The following PPBP variants were observed in gnomAD, a reference collection of about 807,000 sequenced individuals.
The protein encoded by PPBP is pro-platelet basic protein.
PPBP carries 8 observed loss-of-function variants against 8.3 expected under a neutral mutation model. The ratio of observed to expected loss-of-function variants is 0.97; its 90% CI spans 0.57 to 1.75. The LOEUF is 1.75. Among genes scored for constraint, PPBP ranks in the 40% most tolerant of loss-of-function variants. The pLI is 0.00. For missense variants in PPBP, 169 were observed against 149.2 expected (o/e 1.13, Z -0.69); for synonymous variants, 64 against 58.9 (o/e 1.09, Z -0.40).
rs1256353579 is a variant in PPBP, at chr4:73,987,353, C to T, written c.306G>A (p.Arg102=). The T allele has an allele frequency of 3.1e-6, 5 of 1,613,896 alleles. No homozygotes were observed. Among genetic ancestry groups the T allele is most frequent in the African/African-American group, 2.7e-5 (2 of 75,018 alleles). ...GAGCATCTGGGTCCAGGCAGATTTTCCTCCCATCCTTCAGTGTGGCTCTGC... is the reference window on the plus strand; with the variant it reads ...GAGCATCTGGGTCCAGGCAGATTTTTCTCCCATCCTTCAGTGTGGCTCTGC... ...VEVIATLKDG[R]KICLDPDAPR... is the part of the protein sequence containing the mutation. The change falls in exon 3 of 3, where the codon AGG becomes AGA. Residue 102 remains arginine, a synonymous_variant. Transcript: ENST00000296028.
In PPBP at chr4:73,987,195, T is replaced by C; in HGVS notation, c.*77A>G. 5.5e-6 allele frequency: 7 copies of C among 1,279,842 alleles called. No individual in the cohort carries two copies. Among genetic ancestry groups the C allele is most frequent in the Non-Finnish European group, 7.9e-6 (7 of 887,054 alleles). The allele number at this position is 1,279,842 out of a possible 1,614,324, so 79.3% of individuals were successfully genotyped here. On this transcript the variant is annotated 3_prime_UTR_variant, in exon 3 of 3. Coordinates refer to ENST00000296028, the MANE Select transcript of PPBP (RefSeq NM_002704.3). Reference sequence around the variant, plus strand: ...AGTAAGAATAGGTATCCTGAATAAATGAGAACTCTAGAAAATCAAGGTTTC... The same window carrying C: ...AGTAAGAATAGGTATCCTGAATAAACGAGAACTCTAGAAAATCAAGGTTTC...
rs1169875638 is a variant in PPBP at position 73,986,933 on chromosome 4, T to C, written c.*339A>G. The C allele has an allele frequency of 2.8e-5, 7 of 250,698 alleles. No individual in the cohort carries two copies. The highest frequency in any genetic ancestry group is 5.3e-5 in the Admixed American group (1 of 18,886). The allele number at this position is 250,698 out of a possible 1,614,324, so 15.5% of individuals were successfully genotyped here. ...CATTGACCATTATGAAATCTAATAA[T>C]ACCCATGAGTATGTCTAATAACCAT... On this transcript the variant is annotated 3_prime_UTR_variant, in exon 3 of 3. Coordinates refer to ENST00000296028, the MANE Select transcript of PPBP (RefSeq NM_002704.3).
At position 73,987,120 on chromosome 4, in the gene PPBP, TA is replaced by T; in HGVS notation, c.*151del. 1.4e-6 allele frequency: 1 copy of T among 709,212 alleles called. No homozygotes were observed. Among genetic ancestry groups the T allele is most frequent in the Admixed American group, 2.9e-5 (1 of 34,694 alleles). The allele number at this position is 709,212 out of a possible 1,614,324, so 43.9% of individuals were successfully genotyped here. On this transcript the variant is annotated 3_prime_UTR_variant, in exon 3 of 3. Transcript: ENST00000296028. ...CATCTTTTAACCAACCTTCTCAGAA[TA>T]AAATGTGATTTTTGAGACAGAATGA...
At position 73,987,541 on chromosome 4, in the gene PPBP, G is replaced by T. The variant is rs150179122; in HGVS notation, c.260C>A (p.Thr87Asn). 6.2e-7 allele frequency: 1 copy of T among 1,614,026 alleles called. No homozygotes were observed. The highest frequency in any genetic ancestry group is 2.2e-5 in the East Asian group (1 of 44,876). The change falls in exon 2 of 3, where the codon ACC (threonine) becomes AAC (asparagine). Residue 87 changes from threonine to asparagine, a missense_variant. By Grantham distance (65) the Thr-to-Asn change is moderately conservative. Transcript: ENST00000296028. ...CATCACTTCGACTTGGTTGCAATGG[G>T]TTCCTTTCCCGATCACTTCCAAACT... ...IQSLEVIGKG[T>N]HCNQVEVIAT... is the part of the protein sequence containing the mutation.
rs1228691762 is a variant in PPBP at position 73,987,611 on chromosome 4, T to C, written c.190A>G (p.Met64Val). 9 of 1,613,872 alleles carry C rather than the reference T, an allele frequency of 5.6e-6. No homozygotes were observed. The Admixed American group carries it at 1.3e-4, about 24-fold the overall frequency. The change falls in exon 2 of 3, where the codon ATG (methionine) becomes GTG (valine). Residue 64 changes from methionine to valine, a missense_variant. By Grantham distance (21) the Met-to-Val change is conservative. Transcript: ENST00000296028. ...DSDLYAELRC[M>V]CIKTTSGIHP... ...ATTCCAGAGGTTGTCTTTATACACA[T>C]GCAGCGGAGTTCAGCATACAAGTCA...
In PPBP at chr4:73,987,508, G is replaced by A; in HGVS notation, c.284+9C>T. On this transcript the variant is annotated intron_variant, in intron 2 of 2. Coordinates refer to ENST00000296028, the MANE Select transcript of PPBP (RefSeq NM_002704.3). ...CTGATAAGGCAATAGCACAGAAACA[G>A]CAACTTACATCACTTCGACTTGGTT... 1 of 1,613,018 alleles carries A rather than the reference G, an allele frequency of 6.2e-7. No individual in the cohort carries two copies. The highest frequency in any genetic ancestry group is 8.5e-7 in the Non-Finnish European group (1 of 1,179,110).
Position 73,987,671 on chromosome 4 carries a change from C to A in PPBP, c.149-19G>T, listed in dbSNP as rs749613904. On this transcript the variant is annotated intron_variant, in intron 1 of 2. Transcript: ENST00000296028. ...CTTTCCTCTAGGGTAGAAAATGTGACCTATTGGTGGTCATGAATATTTTCC... is the reference window on the plus strand; with the variant it reads ...CTTTCCTCTAGGGTAGAAAATGTGAACTATTGGTGGTCATGAATATTTTCC... The A allele has an allele frequency of 1.2e-6, 2 of 1,602,980 alleles. No homozygotes were observed. The highest frequency in any genetic ancestry group is 1.7e-6 in the Non-Finnish European group (2 of 1,170,696).
At chr4:73,987,422 A>G (rs372324884) in intron 2 of PPBP, 48 bp from the exon 3 acceptor site, 20 of 1,607,182 alleles carry the variant, frequency 1.2e-5, no homozygotes, top group Non-Finnish European at 1.7e-5. Context: ...TCTGAATATC[A>G]GAACTAATCC....
Position 73,987,200 on chromosome 4 carries a change from A to G in PPBP, c.*72T>C. ...GAATAGGTATCCTGAATAAATGAGAACTCTAGAAAATCAAGGTTTCAAAAT... is the reference window on the plus strand; with the variant it reads ...GAATAGGTATCCTGAATAAATGAGAGCTCTAGAAAATCAAGGTTTCAAAAT... On this transcript the variant is annotated 3_prime_UTR_variant, in exon 3 of 3. Transcript: ENST00000296028. 2.3e-6 allele frequency: 3 copies of G among 1,314,088 alleles called. No homozygotes were observed. Among genetic ancestry groups the G allele is most frequent in the East Asian group, 4.6e-5 (2 of 43,466 alleles). 81.4% of individuals were successfully genotyped at this position (1,314,088 alleles called of 1,614,324 possible).
Position 73,986,694 on chromosome 4 carries a change from A to C in PPBP, c.*578T>G, listed in dbSNP as rs1718976483. ...ACTAGTGGCAAATATATTCACTTTA[A>C]ACCAGCTAACCACAGTTTATAAGAT... On this transcript the variant is annotated 3_prime_UTR_variant, in exon 3 of 3. Coordinates refer to ENST00000296028, the MANE Select transcript of PPBP (RefSeq NM_002704.3). 6.6e-6 allele frequency among the ~76,000 whole-genome samples: 1 copy of C among 152,192 alleles called. No homozygotes were observed. The highest frequency in any genetic ancestry group is 2.1e-4 in the South Asian group (1 of 4,832).
chr4:73,987,863 G>T (rs984401343), intron 1 of PPBP, 93 bp downstream of exon 1: 31 of 1,557,676 alleles, frequency 2.0e-5, no homozygotes, highest in South Asian at 4.5e-5. Flanking sequence ...TGGTATAATG[G>T]CCCTCTCCAG....
chr4:73,987,846 G>T, intron 1 of PPBP, 110 bp downstream of exon 1: 1 of 1,516,656 alleles, frequency 6.6e-7, no homozygotes, highest in Non-Finnish European at 9.1e-7. Context: ...CCTCCAATTG[G>T]AGTTATTGGT....
Position 73,988,181 on chromosome 4 carries a change from G to A in PPBP, c.-78C>T. ...AGGGTGAGTTGCTGCCTACAAGTCT[G>A]CAGATAAGTGGCTTCTCATGCCCTG... On this transcript the variant is annotated 5_prime_UTR_variant, in exon 1 of 3. Transcript: ENST00000296028. The A allele has an allele frequency of 2.0e-6, 3 of 1,515,930 alleles. No homozygotes were observed. Among genetic ancestry groups the A allele is most frequent in the Non-Finnish European group, 1.8e-6 (2 of 1,092,732 alleles). 93.9% of individuals were successfully genotyped at this position (1,515,930 alleles called of 1,614,324 possible). A position where few individuals can be genotyped will look rare whatever the true frequency, so the allele number is the denominator to read the frequency against.
chr4:73,987,055 G>A lies in PPBP; in HGVS notation c.*217C>T, dbSNP rs953584389. ...GTCCAATGTTTAGGCAAGAATTAGAGGGTTGAAACCAGGCTTATTTATTTT... is the reference window on the plus strand; with the variant it reads ...GTCCAATGTTTAGGCAAGAATTAGAAGGTTGAAACCAGGCTTATTTATTTT... On this transcript the variant is annotated 3_prime_UTR_variant, in exon 3 of 3. Transcript: ENST00000296028. 3.6e-6 allele frequency: 2 copies of A among 562,000 alleles called. No homozygotes were observed. Among genetic ancestry groups the A allele is most frequent in the East Asian group, 3.1e-5 (1 of 32,142 alleles). 34.8% of individuals were successfully genotyped at this position (562,000 alleles called of 1,614,324 possible). A position where few individuals can be genotyped will look rare whatever the true frequency, so the allele number is the denominator to read the frequency against.
At chr4:73,987,871 C>T in intron 1 of PPBP, 85 bp downstream of exon 1, 1 of 1,583,204 alleles carries the variant, frequency 6.3e-7, no homozygotes, top group Non-Finnish European at 8.7e-7. Flanking sequence ...TGGCCCTCTC[C>T]AGCCCCAAAG....
At position 73,987,994 on chromosome 4, in the gene PPBP, G is replaced by A. The variant is rs936696226; in HGVS notation, c.110C>T (p.Thr37Ile). ...SLLLTALASSTKGQTKRNLAK... is the reference protein window; with the variant it reads ...SLLLTALASSIKGQTKRNLAK... The stretch of plus-strand genomic sequence containing the variant: ...CAAGTTTCTCTTAGTTTGTCCTTTG[G>A]TGGAGGAAGCCAGAGCAGTCAGCAG... Residue 37 changes from threonine (T) to isoleucine (I), a missense_variant, in exon 1 of 3, where the codon ACC (threonine) becomes ATC (isoleucine). By Grantham distance (89) the Thr-to-Ile change is moderately conservative. Coordinates refer to ENST00000296028, the MANE Select transcript of PPBP (RefSeq NM_002704.3). The A allele has an allele frequency of 6.2e-7, 1 of 1,614,122 alleles. No individual in the cohort carries two copies. Among genetic ancestry groups the A allele is most frequent in the African/African-American group, 1.3e-5 (1 of 75,028 alleles).
rs544413739 is a variant in PPBP, at chr4:73,986,612, G to A, written c.*660C>T. 6.6e-6 allele frequency among the ~76,000 whole-genome samples: 1 copy of A among 152,196 alleles called. No homozygotes were observed. The highest frequency in any genetic ancestry group is 6.5e-5 in the Admixed American group (1 of 15,294). On this transcript the variant is annotated 3_prime_UTR_variant, in exon 3 of 3. Transcript: ENST00000296028. ...ACTTATTTATAAGGCTCATTCTAAT[G>A]ATAGAATTATAACTATGTAGATATG...
At position 73,987,363 on chromosome 4, in the gene PPBP, T is replaced by C; in HGVS notation, c.296A>G (p.Lys99Arg). The C allele has an allele frequency of 6.2e-7, 1 of 1,613,708 alleles. No homozygotes were observed. Among genetic ancestry groups the C allele is most frequent in the Non-Finnish European group, 8.5e-7 (1 of 1,179,632 alleles). The change falls in exon 3 of 3, where the codon AAG becomes AGG. Residue 99 changes from lysine (K) to arginine (R), a missense_variant. By Grantham distance (26) the Lys-to-Arg change is conservative (BLOSUM62 2). Transcript: ENST00000296028. ...GTCCAGGCAGATTTTCCTCCCATCC[T>C]TCAGTGTGGCTCTGCAAAAGAGAAC... ...CNQVEVIATLKDGRKICLDPD... is the reference protein window; with the variant it reads ...CNQVEVIATLRDGRKICLDPD...
In PPBP at chr4:73,987,335, T is replaced by C; in HGVS notation, c.324A>G (p.Pro108=). 1 of 1,614,090 alleles carries C rather than the reference T, an allele frequency of 6.2e-7. No homozygotes were observed. Among genetic ancestry groups the C allele is most frequent in the Non-Finnish European group, 8.5e-7 (1 of 1,179,920 alleles). Residue 108 remains proline, a synonymous_variant, in exon 3 of 3, where the codon CCA becomes CCG. Coordinates refer to ENST00000296028, the MANE Select transcript of PPBP (RefSeq NM_002704.3). ...CAATTTTCTTGATTCTGGGAGCATCTGGGTCCAGGCAGATTTTCCTCCCAT... is the reference window on the plus strand; with the variant it reads ...CAATTTTCTTGATTCTGGGAGCATCCGGGTCCAGGCAGATTTTCCTCCCAT... The part of the protein sequence containing the change: ...LKDGRKICLD[P]DAPRIKKIVQ...
Sources: gnomAD v4.1 joint callset for allele counts (sites outside exome capture counted in the v4.1 genomes callset) on GRCh38, gnomAD v4.1.1 for gene constraint, MANE v1.5 for transcripts, NCBI Gene and HGNC (gene_info 2026-07-23, HGNC 2026-07-21) for gene names.